Variants in ADAM32 observed in about 807,000 individuals in gnomAD.
The protein encoded by ADAM32 is disintegrin and metalloproteinase domain-containing protein 32.
In ADAM32, 89 loss-of-function variants were observed where a neutral mutation model predicts 114.9. The observed-to-expected ratio is 0.77, with a 90% CI of 0.65 to 0.92. The LOEUF (loss-of-function observed/expected upper bound fraction) is 0.92. Among genes scored for constraint, ADAM32 ranks in the 40% least tolerant of loss-of-function variants. The pLI is 0.00. For synonymous variants in ADAM32, 285 were observed against 307.5 expected (o/e 0.93, Z 0.77); for missense variants, 870 against 932.8 (o/e 0.93, Z 0.88).
intron 14 of ADAM32, among the ~76,000 whole-genome samples, chr8:39,230,080 T>C (rs1365840433): frequency 2.6e-5 from 4 of 152,202 alleles, no homozygotes; most frequent in Non-Finnish European, 5.9e-5. Context: ...GCATCCACTA[T>C]TTTAATGCAC....
At chr8:39,198,641 G>A (rs1807176229) in intron 11 of ADAM32, among the ~76,000 whole-genome samples, 1 of 152,224 alleles carries the variant, frequency 6.6e-6, no homozygotes, top group Non-Finnish European at 1.5e-5. Context: ...GCCTTTCAAA[G>A]TGCTGGGATT....
intron 11 of ADAM32, among the ~76,000 whole-genome samples, chr8:39,199,796 G>A (rs1172304549): frequency 3.6e-5 from 4 of 110,298 alleles, no homozygotes; most frequent in South Asian, 3.5e-4. Flanking sequence ...AACAGGCACC[G>A]GTGTGTGATG....
At chr8:39,283,178 T>G (rs1564751329) in intron 23 of ADAM32, among the ~76,000 whole-genome samples, 1 of 151,852 alleles carries the variant, frequency 6.6e-6, no homozygotes, top group Non-Finnish European at 1.5e-5. Context: ...GAAGCCAAGG[T>G]GGGAGGACTG....
At chr8:39,159,829 C>T (rs1804379020) in intron 6 of ADAM32, among the ~76,000 whole-genome samples, 2 of 152,042 alleles carry the variant, frequency 1.3e-5, no homozygotes, top group Admixed American at 6.6e-5. Flanking sequence ...TCCTCTGGCA[C>T]GGGAAAGCCA....
At chr8:39,112,613 A>G (rs1354921919) in intron 1 of ADAM32, among the ~76,000 whole-genome samples, 3 of 146,598 alleles carry the variant, frequency 2.0e-5, no homozygotes, top group African/African-American at 7.4e-5. Flanking sequence ...CTATATTTGT[A>G]TTTTTCCAAA....
intron 6 of ADAM32, 127 bp downstream of exon 6, chr8:39,151,675 C>CTTT (rs11381154): frequency 0.014 from 5,956 of 428,766 alleles, 2 homozygotes; most frequent in South Asian, 0.019. Context: ...AACATCTTAT[C>CTTT]TTTTTTTTTT....
chr8:39,179,926 G>C (rs1175528062), intron 10 of ADAM32, among the ~76,000 whole-genome samples: 6 of 152,130 alleles, frequency 3.9e-5, no homozygotes, highest in Admixed American at 3.3e-4. Context: ...CTTTTATTTT[G>C]TCTTAATGAG....
At chr8:39,198,248 C>G (rs1310628877) in intron 11 of ADAM32, among the ~76,000 whole-genome samples, 1 of 151,934 alleles carries the variant, frequency 6.6e-6, no homozygotes, top group East Asian at 1.9e-4. Flanking sequence ...ATTTTTAAAT[C>G]CTTTCAGCCA....
In ADAM32 at chr8:39,221,674, A is replaced by C. The variant is rs548625516; in HGVS notation, c.1298A>C (p.Tyr433Ser). 3.1e-6 allele frequency: 5 copies of C among 1,611,950 alleles called. No individual in the cohort carries two copies. Among genetic ancestry groups the C allele is most frequent in the African/African-American group, 2.7e-5 (2 of 74,990 alleles). ...TCVLKDGAKC[Y>S]KGLCCKDCQI... ...GTACTGAAAGACGGAGCAAAATGTTATAAAGGACTGTGCTGCAAAGACTGT... is the reference window on the plus strand; with the variant it reads ...GTACTGAAAGACGGAGCAAAATGTTCTAAAGGACTGTGCTGCAAAGACTGT... The change falls in exon 13 of 25, where the codon TAT becomes TCT. Residue 433 changes from tyrosine (Y) to serine (S), a missense_variant. By Grantham distance (144) the Tyr-to-Ser change is moderately radical. Transcript: ENST00000379907.
chr8:39,219,528 CTG>C (rs1035371374), intron 12 of ADAM32, among the ~76,000 whole-genome samples: 24 of 152,334 alleles, frequency 1.6e-4, no homozygotes, highest in African/African-American at 5.0e-4. Context: ...CTGCTTTACA[CTG>C]TGTCAGGGCA....
intron 13 of ADAM32, 113 bp from the exon 14 acceptor site, chr8:39,222,927 A>G (rs1809081920): frequency 1.3e-6 from 1 of 756,750 alleles, no homozygotes; most frequent in Non-Finnish European, 2.0e-6. Flanking sequence ...AAGTATTAAT[A>G]TACATTAATG....
rs59934573 is a variant in ADAM32 at position 39,154,033 on chromosome 8, C to CATAT, written c.525+2498_525+2501dup. 4.9e-4 allele frequency among the ~76,000 whole-genome samples: 68 copies of CATAT among 139,424 alleles called. No homozygotes were observed. The East Asian group carries it at 9.8e-3, about 20-fold the overall frequency. 91.5% of individuals were successfully genotyped at this position (139,424 alleles called of 152,430 possible). On this transcript the variant is annotated intron_variant, in intron 6 of 24. Coordinates refer to ENST00000379907, the MANE Select transcript of ADAM32 (RefSeq NM_145004.7). Reference sequence around the variant, plus strand: ...AGTAAAAGACAAACAGAAAGTTCCTCATATATATATATATATGTAATTATA... The same window carrying CATAT: ...AGTAAAAGACAAACAGAAAGTTCCTCATATATATATATATATATATGTAATTATA...
At chr8:39,136,091 T>G (rs1036542767) in intron 2 of ADAM32, among the ~76,000 whole-genome samples, 1 of 152,236 alleles carries the variant, frequency 6.6e-6, no homozygotes, top group African/African-American at 2.4e-5. Context: ...GTGTTCCCTT[T>G]TGCTCTATAA....
intron 16 of ADAM32, among the ~76,000 whole-genome samples, chr8:39,242,154 A>T (rs1810603366): frequency 6.6e-6 from 1 of 152,344 alleles, no homozygotes; most frequent in East Asian, 1.9e-4. Flanking sequence ...CCTGATCTCC[A>T]TCTGAGACCA....
intron 20 of ADAM32, among the ~76,000 whole-genome samples, chr8:39,272,099 C>T (rs1230569410): frequency 2.0e-5 from 1 of 50,398 alleles, no homozygotes; most frequent in Admixed American, 1.9e-4. Context: ...CAGTGAGCTC[C>T]AGAAAAAAAA....
chr8:39,214,101 G>T (rs1340677661), intron 12 of ADAM32, among the ~76,000 whole-genome samples: 2 of 152,114 alleles, frequency 1.3e-5, no homozygotes, highest in African/African-American at 4.8e-5. Flanking sequence ...TGGACAGTTA[G>T]ACTGCTTCCA....
At chr8:39,250,254 G>GTTCTGTTTTTTCAACCTTTTTTTTT (rs1811202495) in intron 17 of ADAM32, among the ~76,000 whole-genome samples, 1 of 150,348 alleles carries the variant, frequency 6.7e-6, no homozygotes, top group Non-Finnish European at 1.5e-5. Flanking sequence ...TGGATATTCT[G>GTTCTGTTTTTTCAACCTTTTTTTTT]TTCTGTTTTT....
intron 18 of ADAM32, 127 bp downstream of exon 18, chr8:39,254,643 C>A (rs891607342): frequency 5.4e-5 from 35 of 650,268 alleles, no homozygotes; most frequent in Non-Finnish European, 7.7e-5. Flanking sequence ...AATCAGAATT[C>A]TCTCAAGGAA....
intron 2 of ADAM32, chr8:39,129,789 C>T (rs761399876): frequency 8.0e-5 from 23 of 287,376 alleles, no homozygotes; most frequent in Non-Finnish European, 1.3e-4. Context: ...TTGAATTCAT[C>T]TGCACCTTGG....
Sources: gnomAD v4.1 joint callset for allele counts (sites outside exome capture counted in the v4.1 genomes callset) on GRCh38, gnomAD v4.1.1 for gene constraint, MANE v1.5 for transcripts, NCBI Gene and HGNC (gene_info 2026-07-23, HGNC 2026-07-21) for gene names.